The following FRAS1 variants were observed in gnomAD, a reference collection of about 807,000 sequenced individuals.
The protein encoded by FRAS1 is extracellular matrix organizing protein FRAS1.
In FRAS1, 290 loss-of-function variants were observed where a neutral mutation model predicts 435.2. That is an observed-to-expected ratio of 0.67 (90% confidence interval 0.61 to 0.73). FRAS1 has a LOEUF of 0.73. Ranked by LOEUF, FRAS1 falls within the 30% of genes least tolerant of loss-of-function variation. The pLI is 0.00. For missense variants in FRAS1, 4,860 were observed against 5,001.5 expected, an observed-to-expected ratio of 0.97 and a Z score of 0.85; for synonymous variants, 1,800 against 1,851.0, an observed-to-expected ratio of 0.97 and a Z score of 0.71.
intron 62 of FRAS1, among the ~76,000 whole-genome samples, chr4:78,507,861 A>G (rs1002500891): frequency 1.1e-4 from 16 of 152,182 alleles, no homozygotes; most frequent in African/African-American, 3.9e-4. Flanking sequence ...AACATCCCAT[A>G]ATGCACAGGG....
intron 69 of FRAS1, among the ~76,000 whole-genome samples, chr4:78,523,955 TG>T (rs546007876): frequency 4.9e-4 from 75 of 152,292 alleles, no homozygotes; most frequent in African/African-American, 9.4e-4. Context: ...TCCATGCTTT[TG>T]CAATTCCCTC....
At chr4:78,242,834 G>T (rs1180417266) in intron 3 of FRAS1, among the ~76,000 whole-genome samples, 1 of 152,148 alleles carries the variant, frequency 6.6e-6, no homozygotes, top group Non-Finnish European at 1.5e-5. Flanking sequence ...TAGTGTCAAT[G>T]GCAATGCTGA....
At chr4:78,173,263 C>G (rs1235869470) in intron 2 of FRAS1, among the ~76,000 whole-genome samples, 2 of 152,222 alleles carry the variant, frequency 1.3e-5, no homozygotes, top group East Asian at 3.9e-4. Flanking sequence ...TGAGCGCAAG[C>G]CAGTTCCCAG....
chr4:78,196,862 T>C (rs1722834556), intron 2 of FRAS1, among the ~76,000 whole-genome samples: 2 of 152,212 alleles, frequency 1.3e-5, no homozygotes, highest in Non-Finnish European at 2.9e-5. Flanking sequence ...TGTAGAGTTT[T>C]AATGAGAATC....
intron 3 of FRAS1, among the ~76,000 whole-genome samples, chr4:78,240,848 G>A (rs1160311967): frequency 1.3e-5 from 2 of 152,210 alleles, no homozygotes; most frequent in East Asian, 3.8e-4. Flanking sequence ...GCCATGGTCA[G>A]AGGGGTGAAA....
chr4:78,059,797 G>A (rs1739669509), intron 1 of FRAS1, among the ~76,000 whole-genome samples: 1 of 147,544 alleles, frequency 6.8e-6, no homozygotes, highest in South Asian at 2.2e-4. Flanking sequence ...CAGATTGCTT[G>A]ATCCAGTGGG....
chr4:78,468,778 G>A (rs538656942), intron 50 of FRAS1, among the ~76,000 whole-genome samples: 4 of 152,322 alleles, frequency 2.6e-5, no homozygotes, highest in South Asian at 4.1e-4. Context: ...CTACATCTGT[G>A]TCTGACCTGG....
chr4:78,072,499 G>A lies in FRAS1; in HGVS notation c.108+6483G>A, dbSNP rs113291276. On this transcript the variant is annotated intron_variant, in intron 2 of 73. Transcript: ENST00000512123. ...TCACCACAAACAATTAGTGAATGGT[G>A]GCTAGTGGCTGCTGTTGAAACATCT... Among the ~76,000 whole-genome samples, 1,244 of 152,250 alleles carry A rather than the reference G, an allele frequency of 8.2e-3. 18 individuals carry two copies. Among genetic ancestry groups the A allele is most frequent in the African/African-American group, 0.029 (1,193 of 41,548 alleles).
intron 2 of FRAS1, among the ~76,000 whole-genome samples, chr4:78,089,527 A>G (rs7696002): frequency 0.083 from 12,705 of 152,174 alleles, 1,555 homozygotes; most frequent in African/African-American, 0.27. Flanking sequence ...CATGTGAATC[A>G]TTTATTTAGA....
intron 13 of FRAS1, among the ~76,000 whole-genome samples, chr4:78,285,576 G>A (rs1727549870): frequency 6.6e-6 from 1 of 151,602 alleles, no homozygotes; most frequent in Admixed American, 6.6e-5. Flanking sequence ...GAGATTACAG[G>A]CATCTGCCAC....
intron 58 of FRAS1, among the ~76,000 whole-genome samples, chr4:78,486,612 G>C (rs751923079): frequency 4.6e-5 from 7 of 152,110 alleles, no homozygotes; most frequent in East Asian, 1.9e-4. Flanking sequence ...TATGGGGTTG[G>C]TGACAGAATG....
chr4:78,413,462 A>G (rs1308870649), intron 32 of FRAS1, among the ~76,000 whole-genome samples: 3 of 152,188 alleles, frequency 2.0e-5, no homozygotes, highest in Non-Finnish European at 4.4e-5. Context: ...TTATTATTCC[A>G]TCTTCTAGAA....
intron 30 of FRAS1, among the ~76,000 whole-genome samples, chr4:78,406,867 A>G (rs917314450): frequency 6.6e-6 from 1 of 152,180 alleles, no homozygotes; most frequent in African/African-American, 2.4e-5. Context: ...TCCCTAATCC[A>G]AAAATCTGAA....
intron 20 of FRAS1, among the ~76,000 whole-genome samples, chr4:78,361,067 G>A (rs771387951): frequency 6.6e-6 from 1 of 152,164 alleles, no homozygotes; most frequent in South Asian, 2.1e-4. Context: ...TTCAGATAAC[G>A]GAGCCTTGAA....
intron 1 of FRAS1, among the ~76,000 whole-genome samples, chr4:78,063,421 T>G (rs779744553): frequency 6.6e-6 from 1 of 152,330 alleles, no homozygotes; most frequent in Non-Finnish European, 1.5e-5. Context: ...GGCTCATTCA[T>G]GCAGCTGCCT....
intron 9 of FRAS1, among the ~76,000 whole-genome samples, chr4:78,268,547 G>A (rs1186404480): frequency 2.0e-5 from 3 of 152,160 alleles, no homozygotes; most frequent in South Asian, 4.1e-4. Context: ...CCCTGCCTCG[G>A]CAGTCTGCCC....
Position 78,480,286 on chromosome 4 carries a change from G to A in FRAS1, c.8443+568G>A, listed in dbSNP as rs76465268. ...GTAACCATCCTTCTACAACATGGAT[G>A]GAAGTGGAGGTCCTTATGCTAAGTG... On this transcript the variant is annotated intron_variant, in intron 56 of 73. Transcript: ENST00000512123. 3.9e-3 allele frequency among the ~76,000 whole-genome samples: 593 copies of A among 152,208 alleles called. 5 individuals are homozygous for A. Among genetic ancestry groups the A allele is most frequent in the African/African-American group, 0.013 (559 of 41,508 alleles).
chr4:78,190,136 A>G (rs543701101), intron 2 of FRAS1, among the ~76,000 whole-genome samples: 2 of 152,204 alleles, frequency 1.3e-5, no homozygotes, highest in African/African-American at 2.4e-5. Flanking sequence ...CTTAGTGCAC[A>G]CTCTTTACCT....
At chr4:78,487,130 A>G (rs114537777) in intron 58 of FRAS1, among the ~76,000 whole-genome samples, 1,745 of 152,212 alleles carry the variant, frequency 0.011, 30 homozygotes, top group African/African-American at 0.04. Context: ...GGGCGATGTC[A>G]TTGCCATCCA....
Sources: gnomAD v4.1 joint callset for allele counts (sites outside exome capture counted in the v4.1 genomes callset) on GRCh38, gnomAD v4.1.1 for gene constraint, MANE v1.5 for transcripts, NCBI Gene and HGNC (gene_info 2026-07-23, HGNC 2026-07-21) for gene names.